The following PCDHGB1 variants were observed in gnomAD, a reference collection of about 807,000 sequenced individuals.
PCDHGB1 encodes the protein protocadherin gamma subfamily B, 1.
A neutral mutation model predicts 56.6 loss-of-function variants in PCDHGB1; 34 were observed. The ratio of observed to expected loss-of-function variants is 0.60; its 90% confidence interval spans 0.46 to 0.80. The LOEUF (loss-of-function observed/expected upper bound fraction) is 0.80, where lower values mean the gene tolerates loss of function less well. Among genes scored for constraint, PCDHGB1 ranks in the 30% least tolerant of loss-of-function variants. PCDHGB1 has a pLI of 0.00. For synonymous variants in PCDHGB1, 561 were observed against 505.9 expected (o/e 1.11, Z -1.46); for missense variants, 1,278 against 1,204.6 (o/e 1.06, Z -0.90).
rs768812729 is a variant in PCDHGB1, at chr5:141,491,543, A to T, written c.2410-3264A>T. 2.5e-6 allele frequency: 4 copies of T among 1,613,842 alleles called. No individual in the cohort carries two copies. The highest frequency in any genetic ancestry group is 3.4e-6 in the Non-Finnish European group (4 of 1,179,982). The stretch of plus-strand genomic sequence containing the variant: ...ATGGAGGTGACGCTGCGGCCCACAG[A>T]CTCGCAGAGCCACTGCTACAGGACG... On this transcript the variant is annotated intron_variant, in intron 1 of 3. Transcript: ENST00000523390. This position sits in a 1 kb window ranked among gnomAD's most constrained non-coding sequence, Gnocchi z 6.9.
At chr5:141,413,257 T>C (rs777964429) in intron 1 of PCDHGB1, 3 of 1,613,954 alleles carry the variant, frequency 1.9e-6, no homozygotes, top group African/African-American at 1.3e-5. Flanking sequence ...CGGGATTCCA[T>C]GGGAGGCTGG....
rs1329158220 is a variant in PCDHGB1, at chr5:141,413,339, A to G, written c.2409+60670A>G. On this transcript the variant is annotated intron_variant, in intron 1 of 3. Coordinates refer to ENST00000523390, the MANE Select transcript of PCDHGB1 (RefSeq NM_018922.3). Reference sequence around the variant, plus strand: ...TCTTTCGTGGGCAACATCTCCAAGGACTTGGGTCTGGCGCCCCGGGAGCTG... The same window carrying G: ...TCTTTCGTGGGCAACATCTCCAAGGGCTTGGGTCTGGCGCCCCGGGAGCTG... The G allele has an allele frequency of 1.3e-5, 21 of 1,613,832 alleles. No individual in the cohort carries two copies. Among genetic ancestry groups the G allele is most frequent in the African/African-American group, 2.7e-5 (2 of 74,940 alleles).
chr5:141,486,985 T>C lies in PCDHGB1; in HGVS notation c.2410-7822T>C. On this transcript the variant is annotated intron_variant, in intron 1 of 3. Coordinates refer to ENST00000523390, the MANE Select transcript of PCDHGB1 (RefSeq NM_018922.3). The surrounding 1 kb of genome is among the most constrained non-coding windows in gnomAD (Gnocchi z 5.0). ...TGGACTTGGATTCAGGTTACAATGC[T>C]TGGGTTTCCTATCAGCTCCTGGAGG... 1 of 1,614,208 alleles carries C rather than the reference T, an allele frequency of 6.2e-7. No individual in the cohort carries two copies. The highest frequency in any genetic ancestry group is 8.5e-7 in the Non-Finnish European group (1 of 1,180,040).
At chr5:141,437,659 C>T (rs1006268414) in intron 1 of PCDHGB1, among the ~76,000 whole-genome samples, 10 of 151,870 alleles carry the variant, frequency 6.6e-5, no homozygotes, top group East Asian at 3.9e-4. Context: ...CACATAGTTT[C>T]GAAGAGATGT....
At chr5:141,394,507 C>T in intron 1 of PCDHGB1, 1 of 1,614,214 alleles carries the variant, frequency 6.2e-7, no homozygotes, top group South Asian at 1.1e-5. Flanking sequence ...ATCCTGTACC[C>T]CGCCCTCCCC....
chr5:141,350,744 A>T lies in PCDHGB1; in HGVS notation c.484A>T (p.Asn162Tyr). ...DSAQDADVEG[N>Y]SLKLYTINPN... Reference sequence around the variant, plus strand: ...TGCTCAAGATGCAGATGTGGAAGGCAATTCACTGAAGTTATACACCATCAA... The same window carrying T: ...TGCTCAAGATGCAGATGTGGAAGGCTATTCACTGAAGTTATACACCATCAA... Residue 162 changes from asparagine to tyrosine, a missense_variant, in exon 1 of 4, where the codon AAT (asparagine) becomes TAT (tyrosine). By Grantham distance (143) the Asn-to-Tyr change is moderately radical. Transcript: ENST00000523390. 6.2e-7 allele frequency: 1 copy of T among 1,613,954 alleles called. No homozygotes were observed. The highest frequency in any genetic ancestry group is 8.5e-7 in the Non-Finnish European group (1 of 1,179,890).
At chr5:141,438,985 A>G (rs1461265086) in intron 1 of PCDHGB1, among the ~76,000 whole-genome samples, 1 of 151,940 alleles carries the variant, frequency 6.6e-6, no homozygotes, top group Non-Finnish European at 1.5e-5. Context: ...ACTTATCTTA[A>G]AAGGCTAAGG....
At position 141,351,851 on chromosome 5, in the gene PCDHGB1, A is replaced by C. The variant is rs543692676; in HGVS notation, c.1591A>C (p.Arg531=). 681 of 1,612,924 alleles carry C rather than the reference A, an allele frequency of 4.2e-4. 6 individuals are homozygous for C. In the Middle Eastern group the frequency reaches 7.3e-3, roughly 17 times the overall value. Residue 531 remains arginine (R), a synonymous_variant, in exon 1 of 4, where the codon AGG becomes CGG. Transcript: ENST00000523390. The stretch of plus-strand genomic sequence containing the variant: ...CGCCTTCGAGCTCACACTGCAGGCC[A>C]GGGACCAGGGCTCCCCCGCGCTCAG... ...LRAFELTLQA[R]DQGSPALSAN...
At chr5:141,397,699 C>A (rs1304915257) in intron 1 of PCDHGB1, among the ~76,000 whole-genome samples, 1 of 152,158 alleles carries the variant, frequency 6.6e-6, no homozygotes, top group Non-Finnish European at 1.5e-5. Flanking sequence ...AAAAACCCAA[C>A]GTGATATTTC....
rs2099745591 is a variant in PCDHGB1, at chr5:141,492,999, T to C, written c.2410-1808T>C. Among the ~76,000 whole-genome samples, 3 of 152,350 alleles carry C rather than the reference T, an allele frequency of 2.0e-5. No homozygotes were observed. In the South Asian group the frequency reaches 6.2e-4, roughly 32 times the overall value. ...CTGTCTCCTCTGGCAGATGGAAAGCTATAGGCTCTGCCAGATGCCAGGGTG... is the reference window on the plus strand; with the variant it reads ...CTGTCTCCTCTGGCAGATGGAAAGCCATAGGCTCTGCCAGATGCCAGGGTG... On this transcript the variant is annotated intron_variant, in intron 1 of 3. Coordinates refer to ENST00000523390, the MANE Select transcript of PCDHGB1 (RefSeq NM_018922.3).
At chr5:141,479,877 T>C (rs967661238) in intron 1 of PCDHGB1, among the ~76,000 whole-genome samples, 2 of 152,188 alleles carry the variant, frequency 1.3e-5, no homozygotes, top group African/African-American at 4.8e-5. Flanking sequence ...GAGAACCCTA[T>C]ACATACTCTC....
rs757133043 is a variant in PCDHGB1 at position 141,362,275 on chromosome 5, C to T, written c.2409+9606C>T. 40 of 1,613,924 alleles carry T rather than the reference C, an allele frequency of 2.5e-5. No homozygotes were observed. The highest frequency in any genetic ancestry group is 2.4e-5 in the Non-Finnish European group (28 of 1,179,912). ...CGCGGTGATTCTGGCAATCTCCCTGCGCCTGCGACTCTCTTCCAGGTCAGA... is the reference window on the plus strand; with the variant it reads ...CGCGGTGATTCTGGCAATCTCCCTGTGCCTGCGACTCTCTTCCAGGTCAGA... On this transcript the variant is annotated intron_variant, in intron 1 of 3. Transcript: ENST00000523390.
chr5:141,496,916 T>C (rs1252437822), intron 2 of PCDHGB1, among the ~76,000 whole-genome samples: 4 of 148,274 alleles, frequency 2.7e-5, no homozygotes, highest in African/African-American at 9.9e-5. Context: ...CTGGGCACTG[T>C]GGTTCACGCC....
chr5:141,456,093 T>G (rs1362649283), intron 1 of PCDHGB1, among the ~76,000 whole-genome samples: 1 of 151,986 alleles, frequency 6.6e-6, no homozygotes, highest in Non-Finnish European at 1.5e-5. Context: ...GAGACGGGAT[T>G]TCACCGTGTT....
At position 141,486,218 on chromosome 5, in the gene PCDHGB1, T is replaced by A. The variant is rs1467104398; in HGVS notation, c.2410-8589T>A. The A allele has an allele frequency of 2.5e-6, 4 of 1,614,004 alleles. No homozygotes were observed. The African/African-American group carries it at 5.3e-5, about 22-fold the overall frequency. On this transcript the variant is annotated intron_variant, in intron 1 of 3. Transcript: ENST00000523390. The surrounding 1 kb of genome is among the most constrained non-coding windows in gnomAD (Gnocchi z 5.0). ...GCTGGACGTAAATGACAATGCCCCT[T>A]ACATCACAGTGACCTCAGAGCTTGG...
Position 141,381,340 on chromosome 5 carries a change from T to C in PCDHGB1, c.2409+28671T>C, listed in dbSNP as rs1777123842. 2.0e-5 allele frequency among the ~76,000 whole-genome samples: 3 copies of C among 152,250 alleles called. No homozygotes were observed. The South Asian group carries it at 6.2e-4, about 31-fold the overall frequency. On this transcript the variant is annotated intron_variant, in intron 1 of 3. Transcript: ENST00000523390. ...CTGCAACTATGTGAAAGGAGCTTTC[T>C]TTTCTTTCTGCTAGCAGAGGGTAGC...
intron 1 of PCDHGB1, chr5:141,383,876 G>A (rs747987128): frequency 3.7e-6 from 6 of 1,613,860 alleles, no homozygotes; most frequent in African/African-American, 1.3e-5. Context: ...GATGGTCCTG[G>A]TAGTCTGACA....
At chr5:141,510,589 A>G (rs1043188276) in intron 3 of PCDHGB1, among the ~76,000 whole-genome samples, 2 of 152,194 alleles carry the variant, frequency 1.3e-5, no homozygotes, top group African/African-American at 2.4e-5. Context: ...CGTACCTGAC[A>G]TACATTTTCT....
chr5:141,474,488 A>C (rs2099350464), intron 1 of PCDHGB1, among the ~76,000 whole-genome samples: 1 of 152,208 alleles, frequency 6.6e-6, no homozygotes. Flanking sequence ...AATGTATTCT[A>C]TCTTCTAATG....
Sources: allele counts gnomAD v4.1 joint callset (sites outside exome capture counted in the v4.1 genomes callset), GRCh38; gene constraint gnomAD v4.1.1; non-coding constraint Gnocchi (gnomAD v3.1); transcripts MANE v1.5; gene names NCBI Gene and HGNC (gene_info 2026-07-23, HGNC 2026-07-21).